Variants in DHX16 observed in about 807,000 individuals in gnomAD.
DHX16 encodes DEAH-box helicase 16.
DHX16 carries 81 observed loss-of-function variants against 131.2 expected under a neutral mutation model. The observed-to-expected ratio is 0.62, with a 90% CI of 0.52 to 0.74. The LOEUF is 0.74. DHX16 is among the 30% of genes least tolerant of loss of function. The pLI is 0.00. For synonymous variants in DHX16, 440 were observed against 520.2 expected (o/e 0.85, Z 2.10); for missense variants, 980 against 1,363.1 (o/e 0.72, Z 4.43).
intron 19 of DHX16, 52 bp from the exon 20 acceptor site, chr6:30,653,422 T>C: frequency 6.5e-7 from 1 of 1,545,376 alleles, no homozygotes; most frequent in Non-Finnish European, 8.7e-7. Context: ...CATAGATCTT[T>C]TGTTGTTGTT....
chr6:30,667,581 C>CA (rs34046923), intron 4 of DHX16, among the ~76,000 whole-genome samples: 4,730 of 87,248 alleles, frequency 0.054, 162 homozygotes, highest in African/African-American at 0.12. Context: ...GACTCTGTCT[C>CA]AAAAAAAAAA....
intron 4 of DHX16, among the ~76,000 whole-genome samples, chr6:30,667,560 C>T (rs1404455070): frequency 2.8e-5 from 4 of 143,734 alleles, no homozygotes; most frequent in East Asian, 2.0e-4. Flanking sequence ...CCAGCCTGGG[C>T]GACAGAGCGA....
At chr6:30,663,974 A>G (rs569746421) in intron 7 of DHX16, among the ~76,000 whole-genome samples, 16 of 152,026 alleles carry the variant, frequency 1.1e-4, no homozygotes, top group Non-Finnish European at 7.4e-5. Flanking sequence ...GCAGTGAGTC[A>G]AGATCGCGCC....
At chr6:30,667,827 C>T (rs796103748) in intron 4 of DHX16, among the ~76,000 whole-genome samples, 4 of 152,206 alleles carry the variant, frequency 2.6e-5, no homozygotes, top group African/African-American at 9.6e-5. Context: ...AAGCTTTAGA[C>T]CCAATTCCTG....
Position 30,656,800 on chromosome 6 carries a change from G to T in DHX16, c.2149-41C>A. Reference sequence around the variant, plus strand: ...AACAGGCTGGCTGACAATTTGGTCAGGGAAAAGAAAAAGGCAGTATTTATG... The same window carrying T: ...AACAGGCTGGCTGACAATTTGGTCATGGAAAAGAAAAAGGCAGTATTTATG... On this transcript the variant is annotated intron_variant, in intron 13 of 19. Transcript: ENST00000376442. The surrounding 1 kb of genome is among the most constrained non-coding windows in gnomAD (Gnocchi z 5.1). The T allele has an allele frequency of 6.2e-7, 1 of 1,608,544 alleles. No homozygotes were observed.
chr6:30,662,917 C>T lies in DHX16; in HGVS notation c.1422G>A (p.Gly474=), dbSNP rs563572894. The T allele has an allele frequency of 1.8e-4, 298 of 1,613,042 alleles. 12 individuals are homozygous for T. The South Asian group carries it at 3.0e-3, about 16-fold the overall frequency. ...GGTTCCCTAGAAATCTCACCTCATTCCCAAGCTTCACACCCATCTCCCGGG... is the reference window on the plus strand; with the variant it reads ...GGTTCCCTAGAAATCTCACCTCATTTCCAAGCTTCACACCCATCTCCCGGG... ...RVAREMGVKL[G]NEVGYSIRFE... is the part of the protein sequence containing the mutation. The change falls in exon 8 of 20, where the codon GGG becomes GGA. Residue 474 remains glycine (G), a synonymous_variant. Coordinates refer to ENST00000376442, the MANE Select transcript of DHX16 (RefSeq NM_003587.5). The surrounding 1 kb of genome is among the most constrained non-coding windows in gnomAD (Gnocchi z 4.7).
Position 30,656,102 on chromosome 6 carries a change from A to G in DHX16, c.2498+96T>C. On this transcript the variant is annotated intron_variant, in intron 16 of 19. Coordinates refer to ENST00000376442, the MANE Select transcript of DHX16 (RefSeq NM_003587.5). The surrounding 1 kb of genome is among the most constrained non-coding windows in gnomAD (Gnocchi z 5.1). ...ACTTTATTATGTGTTAAGGGATAGTATGATGAACAGAAAAAGACAGACAAA... is the reference window on the plus strand; with the variant it reads ...ACTTTATTATGTGTTAAGGGATAGTGTGATGAACAGAAAAAGACAGACAAA... The G allele has an allele frequency of 1.7e-6, 2 of 1,189,378 alleles. No homozygotes were observed. The highest frequency in any genetic ancestry group is 2.5e-6 in the Non-Finnish European group (2 of 806,896). 73.7% of individuals were successfully genotyped at this position (1,189,378 alleles called of 1,614,324 possible).
chr6:30,657,751 C>CTT (rs1768120887), intron 12 of DHX16, among the ~76,000 whole-genome samples: 1 of 152,096 alleles, frequency 6.6e-6, no homozygotes, highest in Non-Finnish European at 1.5e-5. Flanking sequence ...AGCCTGGCTC[C>CTT]CTCCCTCACC....
chr6:30,668,436 A>T (rs1042356319), intron 4 of DHX16, among the ~76,000 whole-genome samples: 3 of 152,140 alleles, frequency 2.0e-5, no homozygotes, highest in African/African-American at 7.2e-5. Context: ...GGATCGCCAA[A>T]GGTCAGGAGT....
intron 10 of DHX16, 62 bp from the exon 11 acceptor site, chr6:30,659,896 C>T: frequency 1.9e-6 from 3 of 1,569,702 alleles, no homozygotes; most frequent in Non-Finnish European, 2.6e-6. Context: ...CCTTTCCTCT[C>T]CTCCCAATTC....
At position 30,662,529 on chromosome 6, in the gene DHX16, G is replaced by C; in HGVS notation, c.1544+98C>G. On this transcript the variant is annotated intron_variant, in intron 9 of 19. Transcript: ENST00000376442. The surrounding 1 kb of genome is among the most constrained non-coding windows in gnomAD (Gnocchi z 4.7). ...CTGGAGGTCAGTTCAAGGACCATTT[G>C]AACCACAAAGATTCAAGAACGGGTG... is the stretch of plus-strand genomic sequence containing the variant. 9.6e-7 allele frequency: 1 copy of C among 1,046,982 alleles called. No individual in the cohort carries two copies. Among genetic ancestry groups the C allele is most frequent in the South Asian group, 1.4e-5 (1 of 72,904 alleles). The allele number at this position is 1,046,982 out of a possible 1,614,324, so 64.9% of individuals were successfully genotyped here. A position where few individuals can be genotyped will look rare whatever the true frequency, so the allele number is the denominator to read the frequency against.
intron 10 of DHX16, 69 bp downstream of exon 10, chr6:30,659,963 A>G: frequency 1.3e-6 from 2 of 1,567,990 alleles, no homozygotes; most frequent in Admixed American, 1.7e-5. Flanking sequence ...TTCCCTCCAC[A>G]GGATAACCTT....
At position 30,654,802 on chromosome 6, in the gene DHX16, T is replaced by C. The variant is rs745354768; in HGVS notation, c.2901A>G (p.Thr967=). The stretch of plus-strand genomic sequence containing the variant: ...GGGAGGAGTTGGGATGAATGAAGAC[T>C]GTCTGCTGCTGTTTCACTGTGCGGT... ...SGYRTVKQQQ[T]VFIHPNSSLF... is the part of the protein sequence containing the mutation. Residue 967 remains threonine, a synonymous_variant, in exon 19 of 20, where the codon ACA becomes ACG. Coordinates refer to ENST00000376442, the MANE Select transcript of DHX16 (RefSeq NM_003587.5). 3.7e-6 allele frequency: 6 copies of C among 1,612,922 alleles called. No individual in the cohort carries two copies. In the African/African-American group the frequency reaches 5.3e-5, roughly 14 times the overall value.
chr6:30,670,600 C>A lies in DHX16; in HGVS notation c.610-134G>T, dbSNP rs1769443470. On this transcript the variant is annotated intron_variant, in intron 3 of 19. Transcript: ENST00000376442. This position sits in a 1 kb window ranked among gnomAD's most constrained non-coding sequence, Gnocchi z 4.4. ...AATGTCCCCTCTCAGTGAGGAATCT[C>A]TCTGATTGCAGGTACAGCAGACAGT... The A allele has an allele frequency of 8.2e-7, 1 of 1,221,296 alleles. No homozygotes were observed. Among genetic ancestry groups the A allele is most frequent in the East Asian group, 2.5e-5 (1 of 40,046 alleles). The allele number at this position is 1,221,296 out of a possible 1,614,324, so 75.7% of individuals were successfully genotyped here.
At position 30,662,919 on chromosome 6, in the gene DHX16, C is replaced by G; in HGVS notation, c.1420G>C (p.Gly474Arg). Reference sequence around the variant, plus strand: ...TTCCCTAGAAATCTCACCTCATTCCCAAGCTTCACACCCATCTCCCGGGCC... The same window carrying G: ...TTCCCTAGAAATCTCACCTCATTCCGAAGCTTCACACCCATCTCCCGGGCC... Reference protein sequence around the residue: ...RVAREMGVKLGNEVGYSIRFE... With the variant: ...RVAREMGVKLRNEVGYSIRFE... The change falls in exon 8 of 20, where the codon GGG becomes CGG. Residue 474 changes from glycine to arginine, a missense_variant. By Grantham distance (125) the Gly-to-Arg change is moderately radical. Around this residue, in one of 3 missense-constraint regions of DHX16, gnomAD observed 309 missense variants for 537.1 expected, o/e 0.58. Coordinates refer to ENST00000376442, the MANE Select transcript of DHX16 (RefSeq NM_003587.5). This position sits in a 1 kb window ranked among gnomAD's most constrained non-coding sequence, Gnocchi z 4.7. The G allele has an allele frequency of 6.2e-7, 1 of 1,613,102 alleles. No individual in the cohort carries two copies. Among genetic ancestry groups the G allele is most frequent in the Non-Finnish European group, 8.5e-7 (1 of 1,179,990 alleles).
Position 30,671,267 on chromosome 6 carries a change from C to A in DHX16, c.215G>T (p.Arg72Leu), listed in dbSNP as rs149441313. The change falls in exon 2 of 20, where the codon CGA becomes CTA. Residue 72 changes from arginine (R) to leucine (L), a missense_variant. This residue lies in a region of DHX16 where 457 missense variants were observed against 554.8 expected (regional missense o/e 0.82). Transcript: ENST00000376442. ...AGCTGGCTTTTCTACCACTGCCTTT[C>A]GTGGTACCTGTCAGTAGAGGGGAAG... ...FALRLWNKVP[R>L]KAVVEKPARA... The A allele has an allele frequency of 6.2e-7, 1 of 1,612,786 alleles. No individual in the cohort carries two copies. Among genetic ancestry groups the A allele is most frequent in the Non-Finnish European group, 8.5e-7 (1 of 1,179,928 alleles).
intron 12 of DHX16, among the ~76,000 whole-genome samples, chr6:30,658,095 TGCTACTCA>T (rs1488251009): frequency 2.0e-5 from 3 of 152,242 alleles, no homozygotes; most frequent in African/African-American, 7.2e-5. Context: ...ATCCTTTGAC[TGCTACTCA>T]GCTGTCTAAA....
At chr6:30,668,353 G>A (rs1165316804) in intron 4 of DHX16, among the ~76,000 whole-genome samples, 1 of 151,844 alleles carries the variant, frequency 6.6e-6, no homozygotes, top group Admixed American at 6.6e-5. Flanking sequence ...TTTTGTAATC[G>A]AAAAAGAAAA....
chr6:30,662,411 A>G lies in DHX16; in HGVS notation c.1544+216T>C, dbSNP rs570653489. On this transcript the variant is annotated intron_variant, in intron 9 of 19. Coordinates refer to ENST00000376442, the MANE Select transcript of DHX16 (RefSeq NM_003587.5). The surrounding 1 kb of genome is among the most constrained non-coding windows in gnomAD (Gnocchi z 4.7). ...CAAGTCTCGGCAGCAATGCTCTGCT[A>G]TCCTGGTTGTTTTCTAAACCCTGGA... is the stretch of plus-strand genomic sequence containing the variant. 1.3e-5 allele frequency among the ~76,000 whole-genome samples: 2 copies of G among 152,340 alleles called. No individual in the cohort carries two copies. Among genetic ancestry groups the G allele is most frequent in the East Asian group, 3.9e-4 (2 of 5,190 alleles).
Sources: gnomAD v4.1 joint callset for allele counts (sites outside exome capture counted in the v4.1 genomes callset) on GRCh38, gnomAD v4.1.1 for gene constraint, gnomAD v4.1.1 regional missense constraint, Gnocchi (gnomAD v3.1) non-coding constraint, MANE v1.5 for transcripts, NCBI Gene and HGNC (gene_info 2026-07-23, HGNC 2026-07-21) for gene names.